The following TFEC variants were observed in gnomAD, a reference collection of about 807,000 sequenced individuals.
TFEC encodes the protein class E basic helix-loop-helix protein 34.
A neutral mutation model predicts 41.6 loss-of-function variants in TFEC; 31 were observed. The observed-to-expected ratio is 0.74, with a 90% CI of 0.56 to 1.01. TFEC has a LOEUF of 1.01. Among genes scored for constraint, TFEC ranks in the 50% least tolerant of loss-of-function variants. The pLI is 0.00. For synonymous variants in TFEC, 143 were observed against 140.6 expected (o/e 1.02, Z -0.12); for missense variants, 402 against 404.1 (o/e 0.99, Z 0.04).
intron 1 of TFEC, chr7:116,112,129 C>T: frequency 1.8e-6 from 1 of 569,834 alleles, no homozygotes; most frequent in African/African-American, 2.0e-5. Context: ...TATTATAAGG[C>T]AAAAACATAC....
chr7:116,030,715 A>G lies in TFEC; in HGVS notation c.-155T>C. On this transcript the variant is annotated 5_prime_UTR_variant, in exon 1 of 8. An upstream start codon of the reference 5' UTR is lost. Transcript: ENST00000265440. The stretch of plus-strand genomic sequence containing the variant: ...TCCCTCTTCCCATAACATATGCACC[A>G]TGCCAGAAGGGACAACCAAAGTAAA... 2 of 985,420 alleles carry G rather than the reference A, an allele frequency of 2.0e-6. No individual in the cohort carries two copies. Among genetic ancestry groups the G allele is most frequent in the Non-Finnish European group, 2.4e-6 (2 of 829,942 alleles). 61.0% of individuals were successfully genotyped at this position (985,420 alleles called of 1,614,324 possible).
At position 115,938,924 on chromosome 7, in the gene TFEC, T is replaced by C. The variant is rs567150180; in HGVS notation, c.*1627A>G. ...ACATCTTCTAGGGCATCCAGATCTT[T>C]CTAATTAAAGTCCTATAAAGATACT... is the stretch of plus-strand genomic sequence containing the variant. On this transcript the variant is annotated 3_prime_UTR_variant, in exon 8 of 8. Transcript: ENST00000265440. 2.9e-4 allele frequency: 44 copies of C among 152,078 alleles called. No individual in the cohort carries two copies. Among genetic ancestry groups the C allele is most frequent in the African/African-American group, 7.2e-4 (30 of 41,530 alleles). The allele number at this position is 152,078 out of a possible 1,614,324, so 9.4% of individuals were successfully genotyped here. A position where few individuals can be genotyped will look rare whatever the true frequency, so the allele number is the denominator to read the frequency against.
At chr7:116,115,251 G>T (rs750545354) in intron 1 of TFEC, among the ~76,000 whole-genome samples, 10 of 151,880 alleles carry the variant, frequency 6.6e-5, no homozygotes, top group African/African-American at 2.4e-4. Context: ...AACTACACTC[G>T]TTTCCTGTGG....
intron 1 of TFEC, among the ~76,000 whole-genome samples, chr7:116,130,801 A>G (rs999613744): frequency 2.0e-5 from 3 of 152,126 alleles, no homozygotes; most frequent in Non-Finnish European, 4.4e-5. Flanking sequence ...TTGTAGAGAT[A>G]GTGTTTCACC....
intron 5 of TFEC, 63 bp from the exon 6 acceptor site, chr7:115,951,012 T>A: frequency 1.0e-6 from 1 of 974,072 alleles, no homozygotes; most frequent in Non-Finnish European, 1.5e-6. Context: ...TGGTCAGCTG[T>A]AAACATTTTT....
At chr7:116,049,137 C>T (rs1430627227) in intron 3 of TFEC, among the ~76,000 whole-genome samples, 1 of 152,106 alleles carries the variant, frequency 6.6e-6, no homozygotes, top group African/African-American at 2.4e-5. Context: ...ACAATATTAA[C>T]CTTAAATGTA....
At chr7:115,944,747 A>G (rs1791435096) in intron 6 of TFEC, among the ~76,000 whole-genome samples, 1 of 151,424 alleles carries the variant, frequency 6.6e-6, no homozygotes, top group Admixed American at 6.6e-5. Context: ...CTCTCAATTC[A>G]GTACTCTTTC....
chr7:115,942,276 G>A (rs988156853), intron 6 of TFEC, among the ~76,000 whole-genome samples: 2 of 151,808 alleles, frequency 1.3e-5, no homozygotes, highest in African/African-American at 4.8e-5. Flanking sequence ...ACTTTTTGTG[G>A]GAGAGCTAAA....
chr7:115,991,459 G>A (rs1364471314), intron 1 of TFEC, among the ~76,000 whole-genome samples: 1 of 152,174 alleles, frequency 6.6e-6, no homozygotes, highest in Non-Finnish European at 1.5e-5. Flanking sequence ...AGAGCCATCA[G>A]TGTGCTGTAT....
chr7:116,094,510 C>A (rs1797405421), intron 3 of TFEC, among the ~76,000 whole-genome samples: 1 of 151,692 alleles, frequency 6.6e-6, no homozygotes, highest in South Asian at 2.1e-4. Context: ...GAAATCCCGT[C>A]TCTACCAAAA....
At chr7:115,975,899 A>G (rs1793357476) in intron 2 of TFEC, among the ~76,000 whole-genome samples, 1 of 152,126 alleles carries the variant, frequency 6.6e-6, no homozygotes, top group Admixed American at 6.6e-5. Flanking sequence ...CAAAGGCAAG[A>G]GCGGTTAGAG....
intron 3 of TFEC, among the ~76,000 whole-genome samples, chr7:116,100,356 T>C (rs1797576108): frequency 6.6e-6 from 1 of 152,174 alleles, no homozygotes; most frequent in African/African-American, 2.4e-5. Context: ...TAAGAGTAAT[T>C]TGTGAAATTT....
intron 3 of TFEC, among the ~76,000 whole-genome samples, chr7:116,105,541 TCTAGC>T (rs1015352891): frequency 3.3e-5 from 5 of 152,150 alleles, no homozygotes; most frequent in Non-Finnish European, 7.4e-5. Flanking sequence ...ACCAAAATAG[TCTAGC>T]CTGGGCTCTG....
chr7:115,997,973 A>C (rs1794434253), intron 1 of TFEC, among the ~76,000 whole-genome samples: 1 of 152,142 alleles, frequency 6.6e-6, no homozygotes, highest in Admixed American at 6.5e-5. Context: ...TAACCTCCAA[A>C]GGGAAAATCT....
At chr7:115,975,234 TTC>T (rs931417319) in intron 2 of TFEC, among the ~76,000 whole-genome samples, 1 of 151,794 alleles carries the variant, frequency 6.6e-6, no homozygotes, top group Non-Finnish European at 1.5e-5. Context: ...CTCTCTCTCT[TTC>T]TCTCTCTCTG....
intron 3 of TFEC, among the ~76,000 whole-genome samples, chr7:115,970,990 G>A (rs763004672): frequency 2.0e-5 from 3 of 152,048 alleles, no homozygotes; most frequent in Non-Finnish European, 4.4e-5. Context: ...ATGTCATATA[G>A]TAGGTAAACA....
Position 115,940,332 on chromosome 7 carries a change from T to C in TFEC, c.*219A>G, listed in dbSNP as rs983953988. ...AGAATTTAAGTGGATTTGGACTCCG[T>C]AGTCAAAGAAGAAAACACCTTTTTT... On this transcript the variant is annotated 3_prime_UTR_variant, in exon 8 of 8. Transcript: ENST00000265440. 7 of 466,358 alleles carry C rather than the reference T, an allele frequency of 1.5e-5. No homozygotes were observed. The Admixed American group carries it at 2.3e-4, about 15-fold the overall frequency. The allele number at this position is 466,358 out of a possible 1,614,324, so 28.9% of individuals were successfully genotyped here.
At chr7:115,984,116 TA>T in intron 2 of TFEC, 145 bp downstream of exon 2, 1 of 1,041,746 alleles carries the variant, frequency 9.6e-7, no homozygotes, top group East Asian at 2.6e-5. Flanking sequence ...ATATAGTTAA[TA>T]AATAGAGAAT....
At chr7:115,995,741 A>C (rs1255653664) in intron 1 of TFEC, among the ~76,000 whole-genome samples, 3 of 152,172 alleles carry the variant, frequency 2.0e-5, no homozygotes, top group Non-Finnish European at 4.4e-5. Flanking sequence ...CCCAACCCTG[A>C]CACGGCTCGG....
Sources: gnomAD v4.1 joint callset for allele counts (sites outside exome capture counted in the v4.1 genomes callset) on GRCh38, gnomAD v4.1.1 for gene constraint, MANE v1.5 for transcripts, NCBI Gene and HGNC (gene_info 2026-07-23, HGNC 2026-07-21) for gene names.